Variants in BTBD9 observed in about 807,000 individuals in gnomAD.
BTBD9 encodes BTB domain containing 9, also known as BTB/POZ domain-containing protein 9.
Under a neutral mutation model 64.3 loss-of-function variants are expected in BTBD9, and 49 were observed. The observed-to-expected ratio is 0.76, with a 90% CI of 0.61 to 0.97. BTBD9 has a LOEUF of 0.97. BTBD9 is among the 50% of genes least tolerant of loss of function. BTBD9 has a pLI of 0.00. For synonymous variants in BTBD9, 260 were observed against 274.7 expected (o/e 0.95, Z 0.53); for missense variants, 598 against 762.1 (o/e 0.78, Z 2.53).
Position 38,519,778 on chromosome 6 carries a change from T to A in BTBD9, c.1154+57822A>T, listed in dbSNP as rs141961534. Among the ~76,000 whole-genome samples the A allele has an allele frequency of 1.1e-4, 17 of 152,284 alleles. No homozygotes were observed. The East Asian group carries it at 2.9e-3, about 26-fold the overall frequency. ...GCTCCAGCTACCCTTGAGGCCTAGCTGCATCCCTGCCATTTCAGCTGTTAC... is the reference window on the plus strand; with the variant it reads ...GCTCCAGCTACCCTTGAGGCCTAGCAGCATCCCTGCCATTTCAGCTGTTAC... On this transcript the variant is annotated intron_variant, in intron 6 of 10. Coordinates refer to ENST00000481247, the MANE Select transcript of BTBD9 (RefSeq NM_001099272.2).
At chr6:38,563,016 G>C (rs1775322304) in intron 6 of BTBD9, among the ~76,000 whole-genome samples, 1 of 152,108 alleles carries the variant, frequency 6.6e-6, no homozygotes, top group Admixed American at 6.5e-5. Flanking sequence ...TCATCTACTT[G>C]ATCTGCCACT....
At chr6:38,571,696 C>T (rs2127466579) in intron 6 of BTBD9, 1 of 152,360 alleles carries the variant, frequency 6.6e-6, no homozygotes, top group Admixed American at 6.5e-5. Flanking sequence ...TGGTGTCTCA[C>T]ACCTGTAATC....
Position 38,291,965 on chromosome 6 carries a change from C to CTTT in BTBD9, c.1265-3507_1265-3505dup, listed in dbSNP as rs562126426. Reference sequence around the variant, plus strand: ...TGGCCTGCAATTTTCTTTTTTCTTTCTTTTTTTTTTTTTGAGACGAAGTTT... The same window carrying CTTT: ...TGGCCTGCAATTTTCTTTTTTCTTTCTTTTTTTTTTTTTTTTGAGACGAAGTTT... On this transcript the variant is annotated intron_variant, in intron 7 of 10. Coordinates refer to ENST00000481247, the MANE Select transcript of BTBD9 (RefSeq NM_001099272.2). 1.2e-3 allele frequency among the ~76,000 whole-genome samples: 165 copies of CTTT among 143,048 alleles called. 2 individuals are homozygous for CTTT. The highest frequency in any genetic ancestry group is 0.011 in the East Asian group (53 of 4,896). 93.8% of individuals were successfully genotyped at this position (143,048 alleles called of 152,430 possible).
chr6:38,478,240 G>A (rs1288891924), intron 6 of BTBD9, among the ~76,000 whole-genome samples: 1 of 152,110 alleles, frequency 6.6e-6, no homozygotes, highest in Non-Finnish European at 1.5e-5. Context: ...GCAAAGGAAG[G>A]TTATATATTT....
chr6:38,310,124 C>T (rs1257841332), intron 7 of BTBD9, among the ~76,000 whole-genome samples: 2 of 152,102 alleles, frequency 1.3e-5, no homozygotes, highest in South Asian at 2.1e-4. Flanking sequence ...ACTGGAATGT[C>T]GAAGAAACAC....
At chr6:38,258,937 C>T (rs1764703732) in intron 8 of BTBD9, among the ~76,000 whole-genome samples, 2 of 152,130 alleles carry the variant, frequency 1.3e-5, no homozygotes, top group Admixed American at 1.3e-4. Context: ...TCATGATGGC[C>T]AACATTTCTT....
intron 10 of BTBD9, among the ~76,000 whole-genome samples, chr6:38,182,281 TATCACCCCA>T (rs1761592142): frequency 6.6e-6 from 1 of 152,206 alleles, no homozygotes; most frequent in Admixed American, 6.5e-5. Context: ...TTCCAATCCC[TATCACCCCA>T]GGCAGCCCTG....
chr6:38,555,845 T>C (rs1774989065), intron 6 of BTBD9, among the ~76,000 whole-genome samples: 1 of 152,224 alleles, frequency 6.6e-6, no homozygotes, highest in African/African-American at 2.4e-5. Context: ...ATGAAATCTT[T>C]ATTTCTTGTA....
intron 3 of BTBD9, among the ~76,000 whole-genome samples, chr6:38,593,330 G>GA (rs989787656): frequency 2.0e-5 from 3 of 151,826 alleles, no homozygotes; most frequent in Non-Finnish European, 2.9e-5. Context: ...AAATTAAGTA[G>GA]AAAAAAATGA....
intron 4 of BTBD9, among the ~76,000 whole-genome samples, chr6:38,586,607 GAAC>G (rs978357181): frequency 5.3e-5 from 8 of 152,034 alleles, no homozygotes; most frequent in African/African-American, 1.4e-4. Context: ...TCCAGATTCT[GAAC>G]AACAACAACA....
Position 38,322,005 on chromosome 6 carries a change from C to A in BTBD9, c.1264+22979G>T, listed in dbSNP as rs542292593. On this transcript the variant is annotated intron_variant, in intron 7 of 10. Coordinates refer to ENST00000481247, the MANE Select transcript of BTBD9 (RefSeq NM_001099272.2). Reference sequence around the variant, plus strand: ...ACATTTCCTAAAAAGAGCCTTCTAACAAAGGATTGCGAATGCTGTGTATTA... The same window carrying A: ...ACATTTCCTAAAAAGAGCCTTCTAAAAAAGGATTGCGAATGCTGTGTATTA... 5.3e-5 allele frequency among the ~76,000 whole-genome samples: 8 copies of A among 151,928 alleles called. No individual in the cohort carries two copies. The South Asian group carries it at 1.5e-3, about 28-fold the overall frequency.
intron 9 of BTBD9, among the ~76,000 whole-genome samples, chr6:38,248,009 A>G (rs1415492390): frequency 2.6e-5 from 4 of 152,192 alleles, no homozygotes; most frequent in Non-Finnish European, 5.9e-5. Flanking sequence ...AAAATGTTGA[A>G]AATTAGAAAT....
intron 6 of BTBD9, among the ~76,000 whole-genome samples, chr6:38,427,335 A>G (rs1375766708): frequency 6.6e-6 from 1 of 151,910 alleles, no homozygotes; most frequent in East Asian, 1.9e-4. Flanking sequence ...GAAAAAGGAA[A>G]AGAAAAAAGA....
chr6:38,180,866 A>G (rs1276771102), intron 10 of BTBD9, among the ~76,000 whole-genome samples: 1 of 152,210 alleles, frequency 6.6e-6, no homozygotes. Flanking sequence ...GGTCGTGTGT[A>G]TGAATCCGAC....
At chr6:38,369,022 G>A (rs749877047) in intron 6 of BTBD9, among the ~76,000 whole-genome samples, 4 of 152,048 alleles carry the variant, frequency 2.6e-5, no homozygotes, top group Non-Finnish European at 5.9e-5. Context: ...AATTCATGCC[G>A]CCATACCTTC....
At chr6:38,616,316 C>T (rs1290449131) in intron 1 of BTBD9, among the ~76,000 whole-genome samples, 8 of 152,184 alleles carry the variant, frequency 5.3e-5, no homozygotes, top group Non-Finnish European at 8.8e-5. Flanking sequence ...GCAGAGAAGC[C>T]AGTTGTGCCA....
At chr6:38,270,848 C>T (rs1395672159) in intron 8 of BTBD9, among the ~76,000 whole-genome samples, 1 of 152,154 alleles carries the variant, frequency 6.6e-6, no homozygotes, top group Non-Finnish European at 1.5e-5. Flanking sequence ...TAATGAATAG[C>T]AGTAGTTTCA....
At chr6:38,221,087 A>G (rs1221686782) in intron 9 of BTBD9, among the ~76,000 whole-genome samples, 1 of 152,220 alleles carries the variant, frequency 6.6e-6, no homozygotes, top group African/African-American at 2.4e-5. Flanking sequence ...GCCAATGAAT[A>G]AATAACATTT....
chr6:38,503,310 C>T (rs898120816), intron 6 of BTBD9, among the ~76,000 whole-genome samples: 1 of 152,012 alleles, frequency 6.6e-6, no homozygotes, highest in African/African-American at 2.4e-5. Flanking sequence ...GGGCTGCTGC[C>T]CTCCCCCTTC....
Sources: gnomAD v4.1 joint callset for allele counts (sites outside exome capture counted in the v4.1 genomes callset) on GRCh38, gnomAD v4.1.1 for gene constraint, MANE v1.5 for transcripts, NCBI Gene and HGNC (gene_info 2026-07-23, HGNC 2026-07-21) for gene names.